GPC3: variants seen among roughly 807,000 people sequenced by gnomAD.
GPC3 encodes the protein glypican-3.
Under a neutral mutation model 34.4 loss-of-function variants are expected in GPC3, and 3 were observed. The ratio of observed to expected loss-of-function variants is 0.09; its 90% CI spans 0.04 to 0.23. The LOEUF (loss-of-function observed/expected upper bound fraction) is 0.23. Among genes scored for constraint, GPC3 ranks in the 10% least tolerant of loss-of-function variants. GPC3 has a pLI of 1.00. For missense variants in GPC3, 351 were observed against 445.6 expected, an observed-to-expected ratio of 0.79 and a Z score of 1.91; for synonymous variants, 177 against 174.0, an observed-to-expected ratio of 1.02 and a Z score of -0.13.
intron 2 of GPC3, among the ~76,000 whole-genome samples, chrX:133,832,527 T>G (rs1273913756): frequency 9.1e-6 from 1 of 110,098 alleles, no homozygotes; most frequent in Non-Finnish European, 1.9e-5. Flanking sequence ...CACACCCAGT[T>G]AGTCAGAAAG....
chrX:133,637,665 A>C (rs1262171931), intron 6 of GPC3, among the ~76,000 whole-genome samples: 3 of 110,758 alleles, frequency 2.7e-5, no homozygotes, highest in Admixed American at 1.9e-4. Flanking sequence ...TTTTTTAGAG[A>C]TAGGTTTCTC....
At chrX:133,875,380 T>C (rs754049088) in intron 2 of GPC3, among the ~76,000 whole-genome samples, 1 of 111,925 alleles carries the variant, frequency 8.9e-6, no homozygotes, top group Admixed American at 9.5e-5. Flanking sequence ...TATTCATATT[T>C]ATTTAGTTCT....
At chrX:133,922,369 G>T (rs1379452811) in intron 2 of GPC3, among the ~76,000 whole-genome samples, 1 of 111,616 alleles carries the variant, frequency 9.0e-6, no homozygotes, top group African/African-American at 3.3e-5. Context: ...CCTTACAAAG[G>T]AGCTTTCCAG....
chrX:133,985,140 C>T, intron 1 of GPC3, 135 bp downstream of exon 1: 1 of 660,461 alleles, frequency 1.5e-6, no homozygotes, highest in South Asian at 2.5e-5. Flanking sequence ...GCCCCAGGCA[C>T]ACCGACCACT....
At chrX:133,836,193 A>G (rs1022077104) in intron 2 of GPC3, among the ~76,000 whole-genome samples, 1 of 113,537 alleles carries the variant, frequency 8.8e-6, no homozygotes, top group African/African-American at 3.2e-5. Flanking sequence ...ACTTCCTAGA[A>G]TCCGGCAAGA....
intron 5 of GPC3, among the ~76,000 whole-genome samples, chrX:133,691,383 C>T (rs1295555972): frequency 9.1e-6 from 1 of 109,759 alleles, no homozygotes; most frequent in African/African-American, 3.3e-5. Flanking sequence ...CCTGTAATCA[C>T]AGCTACTCGG....
chrX:133,661,701 A>T, intron 6 of GPC3, 29 bp downstream of exon 6: 2 of 818,412 alleles, frequency 2.4e-6, no homozygotes, highest in Non-Finnish European at 3.3e-6. Flanking sequence ...TCTACTTTTT[A>T]TTATTATTAT....
intron 7 of GPC3, among the ~76,000 whole-genome samples, chrX:133,593,388 G>T: frequency 1.0e-5 from 1 of 99,308 alleles, no homozygotes; most frequent in Non-Finnish European, 2.0e-5. Flanking sequence ...AACATAGGCA[G>T]TGGTGGGAAA....
At chrX:133,752,320 A>C (rs1201503168) in intron 3 of GPC3, among the ~76,000 whole-genome samples, 2 of 112,224 alleles carry the variant, frequency 1.8e-5, no homozygotes, top group Non-Finnish European at 3.8e-5. Context: ...AAATACGTAC[A>C]CATATTGTAT....
intron 3 of GPC3, among the ~76,000 whole-genome samples, chrX:133,707,647 T>C (rs1858360475): frequency 9.0e-6 from 1 of 111,037 alleles, no homozygotes; most frequent in Admixed American, 9.6e-5. Context: ...AGTAAGCAAA[T>C]AGATGGAAAG....
intron 2 of GPC3, among the ~76,000 whole-genome samples, chrX:133,907,033 G>T (rs1239632909): frequency 9.2e-6 from 1 of 109,192 alleles, no homozygotes; most frequent in Non-Finnish European, 1.9e-5. Context: ...CCCGGGAGGC[G>T]GAGCTTGCAG....
rs745700691 is a variant in GPC3 at position 133,699,998 on chromosome X, G to A, written c.1063C>T (p.Arg355Cys). 7 of 1,192,589 alleles carry A rather than the reference G, an allele frequency of 5.9e-6. No individual in the cohort carries two copies. Among genetic ancestry groups the A allele is most frequent in the East Asian group, 5.9e-5 (2 of 33,730 alleles). The change falls in exon 4 of 8, where the codon CGC (arginine) becomes TGC (cysteine). Residue 355 changes from arginine (R) to cysteine (C), a missense_variant. Coordinates refer to ENST00000370818, the MANE Select transcript of GPC3 (RefSeq NM_004484.4). ...GGATAATAAGCAGATCTATATTGGC[G>A]TTGTTGAGAATGGGCACATAACTTG... ...IGKLCAHSQQ[R>C]QYRSAYYPED...
intron 2 of GPC3, among the ~76,000 whole-genome samples, chrX:133,934,009 C>T (rs1380733809): frequency 3.8e-5 from 4 of 104,267 alleles, no homozygotes; most frequent in Admixed American, 3.1e-4. Flanking sequence ...GGATTACAGG[C>T]GTGTGCCACC....
chrX:133,562,588 G>A (rs145251967), intron 7 of GPC3, among the ~76,000 whole-genome samples: 2,006 of 111,117 alleles, frequency 0.018, 42 homozygotes, highest in African/African-American at 0.06. Context: ...CTGAGATCGT[G>A]CTACTGCACT....
At chrX:133,907,756 C>A (rs1472088178) in intron 2 of GPC3, among the ~76,000 whole-genome samples, 1 of 111,168 alleles carries the variant, frequency 9.0e-6, no homozygotes, top group Non-Finnish European at 1.9e-5. Context: ...TTTCTCCCCC[C>A]TGTATTCAGG....
chrX:133,919,981 A>G (rs1447309451), intron 2 of GPC3, among the ~76,000 whole-genome samples: 1 of 108,914 alleles, frequency 9.2e-6, no homozygotes, highest in East Asian at 2.9e-4. Context: ...GCAACACAGC[A>G]AGACCTCATC....
intron 5 of GPC3, among the ~76,000 whole-genome samples, chrX:133,670,183 A>G (rs1221953162): frequency 7.2e-5 from 8 of 111,489 alleles, no homozygotes; most frequent in Non-Finnish European, 1.1e-4. Context: ...AGTGGAGGGA[A>G]ATCAACAAAT....
At chrX:133,574,771 C>T (rs763243486) in intron 7 of GPC3, among the ~76,000 whole-genome samples, 5 of 112,444 alleles carry the variant, frequency 4.4e-5, no homozygotes, top group Non-Finnish European at 9.4e-5. Context: ...ATCCCACACA[C>T]TCCATCTGCA....
At chrX:133,649,269 T>C (rs1356254244) in intron 6 of GPC3, among the ~76,000 whole-genome samples, 2 of 63,523 alleles carry the variant, frequency 3.1e-5, no homozygotes, top group Admixed American at 4.6e-4. Context: ...TATATATATA[T>C]GTGTGTGTGT....
Sources: gnomAD v4.1 joint callset for allele counts (sites outside exome capture counted in the v4.1 genomes callset) on GRCh38, gnomAD v4.1.1 for gene constraint, MANE v1.5 for transcripts, NCBI Gene and HGNC (gene_info 2026-07-23, HGNC 2026-07-21) for gene names.